Variants in PYROXD2 observed in about 807,000 individuals in gnomAD.
PYROXD2 encodes the protein pyridine nucleotide-disulfide oxidoreductase domain-containing protein 2.
Under a neutral mutation model 71.1 loss-of-function variants are expected in PYROXD2, and 69 were observed. The observed-to-expected ratio is 0.97, with a 90% CI of 0.80 to 1.19. PYROXD2 has a LOEUF of 1.19. Ranked by LOEUF, PYROXD2 falls within the 50% of genes most tolerant of loss-of-function variation. The pLI is 0.00. For synonymous variants in PYROXD2, 287 were observed against 302.7 expected, an observed-to-expected ratio of 0.95 and a Z score of 0.54; for missense variants, 745 against 748.9, an observed-to-expected ratio of 0.99 and a Z score of 0.06.
At chr10:98,387,150 G>A (rs761263416) in intron 14 of PYROXD2, 51 bp downstream of exon 14, 34 of 1,346,996 alleles carry the variant, frequency 2.5e-5, no homozygotes, top group Non-Finnish European at 3.3e-5. Context: ...GCCAGGAAGT[G>A]AGGGTGCAGA....
chr10:98,390,743 T>C lies in PYROXD2; in HGVS notation c.1147A>G (p.Arg383Gly). ...GGGGCCGCCAGGAAGCTGGGCAGCC[T>C]GTCTACGGCCACTGAGGGACCAAAG... ...PVTKINVAVD[R>G]LPSFLAAPNA... The change falls in exon 12 of 16, where the codon AGG becomes GGG. Residue 383 changes from arginine to glycine, a missense_variant. Transcript: ENST00000370575. 6.3e-7 allele frequency: 1 copy of C among 1,596,924 alleles called. No homozygotes were observed. Among genetic ancestry groups the C allele is most frequent in the South Asian group, 1.1e-5 (1 of 88,112 alleles).
intron 4 of PYROXD2, among the ~76,000 whole-genome samples, chr10:98,406,437 C>T (rs1843599403): frequency 6.6e-6 from 1 of 152,182 alleles, no homozygotes; most frequent in Non-Finnish European, 1.5e-5. Context: ...AGCGACCCAT[C>T]CCCAGGCCTG....
intron 4 of PYROXD2, among the ~76,000 whole-genome samples, chr10:98,405,201 A>T (rs920695049): frequency 6.6e-6 from 1 of 152,186 alleles, no homozygotes; most frequent in African/African-American, 2.4e-5. Flanking sequence ...TACTAGGTGG[A>T]TGGAACCGGG....
chr10:98,400,726 C>T (rs1590960751), intron 4 of PYROXD2, among the ~76,000 whole-genome samples: 1 of 152,222 alleles, frequency 6.6e-6, no homozygotes. Flanking sequence ...GGTTACCTCA[C>T]AATAACTTTG....
chr10:98,398,953 T>G, intron 5 of PYROXD2, among the ~76,000 whole-genome samples: 1 of 151,798 alleles, frequency 6.6e-6, no homozygotes, highest in Non-Finnish European at 1.5e-5. Context: ...CTGGGCAACA[T>G]AGTGAGACTT....
At chr10:98,407,145 AG>A (rs1843623957) in intron 4 of PYROXD2, among the ~76,000 whole-genome samples, 1 of 152,114 alleles carries the variant, frequency 6.6e-6, no homozygotes, top group Non-Finnish European at 1.5e-5. Flanking sequence ...TGAGACTCCC[AG>A]GAACCTTCCA....
intron 11 of PYROXD2, 117 bp from the exon 12 acceptor site, chr10:98,390,871 C>A: frequency 7.1e-7 from 1 of 1,416,688 alleles, no homozygotes; most frequent in Non-Finnish European, 9.8e-7. Context: ...AGTGTTTCAC[C>A]TTCTGACCAG....
chr10:98,409,892 A>G (rs188530294), intron 2 of PYROXD2, among the ~76,000 whole-genome samples: 1 of 152,328 alleles, frequency 6.6e-6, no homozygotes, highest in Non-Finnish European at 1.5e-5. Context: ...AGCCTGGCCA[A>G]CATGGCGAAA....
chr10:98,414,893 G>T, intron 1 of PYROXD2, 116 bp downstream of exon 1: 1 of 1,438,862 alleles, frequency 6.9e-7, no homozygotes, highest in Non-Finnish European at 9.3e-7. Context: ...TTCTGGCTGG[G>T]TTATGCCAGA....
chr10:98,414,870 C>G, intron 1 of PYROXD2, 139 bp downstream of exon 1: 1 of 1,303,464 alleles, frequency 7.7e-7, no homozygotes, highest in Non-Finnish European at 1.0e-6. Flanking sequence ...GCAGCCCCTG[C>G]TAGCGTATAA....
intron 1 of PYROXD2, 83 bp downstream of exon 1, chr10:98,414,926 T>TGGGGGGG: frequency 6.5e-7 from 1 of 1,537,850 alleles, no homozygotes; most frequent in Non-Finnish European, 8.8e-7. Context: ...GGGGCTTGGC[T>TGGGGGGG]CCCCCTCCCC....
intron 4 of PYROXD2, among the ~76,000 whole-genome samples, chr10:98,401,712 A>C (rs947507288): frequency 2.0e-5 from 3 of 152,100 alleles, no homozygotes; most frequent in African/African-American, 7.2e-5. Context: ...AGTAAAATGC[A>C]AACACACACA....
At chr10:98,388,644 G>C in intron 12 of PYROXD2, 136 bp from the exon 13 acceptor site, 2 of 1,025,236 alleles carry the variant, frequency 2.0e-6, no homozygotes, top group Non-Finnish European at 2.7e-6. Flanking sequence ...AGCCACAGTG[G>C]TTGTCCACCT....
intron 5 of PYROXD2, among the ~76,000 whole-genome samples, chr10:98,398,747 G>T (rs906792571): frequency 6.6e-6 from 1 of 152,142 alleles, no homozygotes; most frequent in Admixed American, 6.5e-5. Context: ...CCCCTCAAGT[G>T]CCTCTGAGAT....
At chr10:98,404,640 C>A (rs2136009134) in intron 4 of PYROXD2, among the ~76,000 whole-genome samples, 1 of 152,150 alleles carries the variant, frequency 6.6e-6, no homozygotes, top group African/African-American at 2.4e-5. Flanking sequence ...GCACAGTCAT[C>A]CTGGGTGGAA....
chr10:98,394,322 T>C (rs1590946635), intron 8 of PYROXD2, among the ~76,000 whole-genome samples: 2 of 152,160 alleles, frequency 1.3e-5, no homozygotes, highest in Non-Finnish European at 2.9e-5. Context: ...GATTGGCTGG[T>C]AGATCACAGC....
chr10:98,383,749 T>C lies in PYROXD2; in HGVS notation c.*49A>G, dbSNP rs368230593. The stretch of plus-strand genomic sequence containing the variant: ...CTGGGAAGCTGATCCAATGGAGCAC[T>C]TGGAATTCAGGGGTGGAGTCTTCTT... On this transcript the variant is annotated 3_prime_UTR_variant, in exon 16 of 16. Coordinates refer to ENST00000370575, the MANE Select transcript of PYROXD2 (RefSeq NM_032709.3). 128 of 1,538,032 alleles carry C rather than the reference T, an allele frequency of 8.3e-5. No individual in the cohort carries two copies. The highest frequency in any genetic ancestry group is 1.1e-4 in the Non-Finnish European group (127 of 1,110,824).
chr10:98,383,916 A>C, intron 15 of PYROXD2, 48 bp from the exon 16 acceptor site: 21 of 959,136 alleles, frequency 2.2e-5, no homozygotes, highest in Non-Finnish European at 3.0e-5. Context: ...AAAACCTGCC[A>C]GGGTGGGGGT....
intron 2 of PYROXD2, among the ~76,000 whole-genome samples, chr10:98,408,951 C>G (rs1342672888): frequency 6.6e-6 from 1 of 152,190 alleles, no homozygotes; most frequent in Non-Finnish European, 1.5e-5. Flanking sequence ...GCCTCAGGCT[C>G]ACAGAGCTGA....
Sources: allele counts gnomAD v4.1 joint callset (sites outside exome capture counted in the v4.1 genomes callset), GRCh38; gene constraint gnomAD v4.1.1; transcripts MANE v1.5; gene names NCBI Gene and HGNC (gene_info 2026-07-23, HGNC 2026-07-21).